CPNE4: variants seen among roughly 807,000 people sequenced by gnomAD.
The protein encoded by CPNE4 is copine-4.
In CPNE4, 25 loss-of-function variants were observed where a neutral mutation model predicts 67.9. That is an observed-to-expected ratio of 0.37 (90% CI 0.27 to 0.51). The LOEUF is 0.51. Ranked by LOEUF, CPNE4 falls within the 20% of genes least tolerant of loss-of-function variation. The pLI, the probability that CPNE4 is intolerant of heterozygous loss-of-function variation, is 0.93. For synonymous variants in CPNE4, 242 were observed against 244.9 expected, an observed-to-expected ratio of 0.99 and a Z score of 0.11; for missense variants, 464 against 690.8, an observed-to-expected ratio of 0.67 and a Z score of 3.68.
At chr3:131,826,015 A>G (rs946076624) in intron 2 of CPNE4, among the ~76,000 whole-genome samples, 1 of 152,202 alleles carries the variant, frequency 6.6e-6, no homozygotes, top group African/African-American at 2.4e-5. Context: ...AAGTAAATGA[A>G]GAAATTGATG....
At chr3:131,691,809 TAAG>T (rs1267213926) in intron 5 of CPNE4, among the ~76,000 whole-genome samples, 1 of 152,224 alleles carries the variant, frequency 6.6e-6, no homozygotes, top group Non-Finnish European at 1.5e-5. Flanking sequence ...TGATTACTAT[TAAG>T]AAGGCATCTG....
At chr3:131,848,909 G>GTT in intron 2 of CPNE4, among the ~76,000 whole-genome samples, 1 of 112,870 alleles carries the variant, frequency 8.9e-6, no homozygotes, top group Middle Eastern at 0.011. Context: ...TGAAGAAGGC[G>GTT]TTTTTTTTTC....
chr3:131,624,984 AG>A (rs1260958211), intron 7 of CPNE4, among the ~76,000 whole-genome samples: 1 of 152,172 alleles, frequency 6.6e-6, no homozygotes, highest in Non-Finnish European at 1.5e-5. Context: ...ATGCAAACAG[AG>A]CTCTAGTCCA....
intron 7 of CPNE4, among the ~76,000 whole-genome samples, chr3:131,633,164 A>G (rs774020791): frequency 6.6e-6 from 1 of 152,152 alleles, no homozygotes; most frequent in African/African-American, 2.4e-5. Flanking sequence ...TTTACTTTCA[A>G]AATATATCCA....
intron 7 of CPNE4, among the ~76,000 whole-genome samples, chr3:131,622,965 G>A (rs889004947): frequency 3.9e-5 from 6 of 152,100 alleles, no homozygotes; most frequent in Non-Finnish European, 5.9e-5. Context: ...CTTGGTAGCC[G>A]CATCAATAGG....
chr3:132,018,638 C>A (rs1331953821), intron 1 of CPNE4, among the ~76,000 whole-genome samples: 2 of 152,190 alleles, frequency 1.3e-5, no homozygotes, highest in African/African-American at 4.8e-5. Context: ...TGTAACACTT[C>A]ATTAAGCACA....
chr3:131,729,329 T>C (rs2082074447), intron 2 of CPNE4, among the ~76,000 whole-genome samples: 1 of 152,208 alleles, frequency 6.6e-6, no homozygotes. Context: ...GAATAAAGAA[T>C]GGCTTTATGT....
intron 2 of CPNE4, among the ~76,000 whole-genome samples, chr3:131,882,372 G>A (rs1469591517): frequency 6.6e-6 from 1 of 152,104 alleles, no homozygotes; most frequent in African/African-American, 2.4e-5. Flanking sequence ...AGTGTTCATT[G>A]TATGACTGAG....
chr3:131,547,293 A>G (rs575152293), intron 14 of CPNE4, among the ~76,000 whole-genome samples: 2 of 151,970 alleles, frequency 1.3e-5, no homozygotes, highest in African/African-American at 4.8e-5. Context: ...CACCTCTACA[A>G]AAAATATAAA....
At chr3:131,622,862 G>A (rs948908054) in intron 7 of CPNE4, among the ~76,000 whole-genome samples, 8 of 152,174 alleles carry the variant, frequency 5.3e-5, no homozygotes, top group South Asian at 2.1e-4. Context: ...GCCGCTGTCC[G>A]TGATTCTGAA....
At chr3:131,856,661 A>C (rs1246009269) in intron 2 of CPNE4, among the ~76,000 whole-genome samples, 1 of 151,992 alleles carries the variant, frequency 6.6e-6, no homozygotes, top group Non-Finnish European at 1.5e-5. Context: ...GGAACCTTAG[A>C]AACATTGTCC....
intron 2 of CPNE4, among the ~76,000 whole-genome samples, chr3:131,866,731 A>C (rs2086968111): frequency 6.6e-6 from 1 of 152,242 alleles, no homozygotes; most frequent in Non-Finnish European, 1.5e-5. Flanking sequence ...TCAAAAGAAA[A>C]ATAAGTGACA....
intron 2 of CPNE4, among the ~76,000 whole-genome samples, chr3:131,838,816 C>T (rs1262063014): frequency 1.3e-5 from 2 of 151,286 alleles, no homozygotes; most frequent in African/African-American, 4.9e-5. Flanking sequence ...TATTCGTATA[C>T]ATGAATATGT....
chr3:131,575,253 T>G, intron 9 of CPNE4, 123 bp from the exon 10 acceptor site: 1 of 763,108 alleles, frequency 1.3e-6, no homozygotes, highest in South Asian at 1.6e-5. Flanking sequence ...ACAGACATCA[T>G]TGAAAAAAGA....
At chr3:131,759,199 G>A (rs1394109226) in intron 2 of CPNE4, among the ~76,000 whole-genome samples, 1 of 152,134 alleles carries the variant, frequency 6.6e-6, no homozygotes, top group East Asian at 1.9e-4. Flanking sequence ...GATGGATGCT[G>A]AAAAGCCACT....
chr3:131,627,192 T>TAAA (rs1361423643), intron 7 of CPNE4, among the ~76,000 whole-genome samples: 1 of 62,374 alleles, frequency 1.6e-5, no homozygotes, highest in African/African-American at 1.5e-4. Flanking sequence ...AGACTCCATC[T>TAAA]CAAAAAAAAA....
intron 7 of CPNE4, among the ~76,000 whole-genome samples, chr3:131,621,312 A>G (rs1038127003): frequency 1.3e-5 from 2 of 152,090 alleles, no homozygotes; most frequent in Non-Finnish European, 2.9e-5. Flanking sequence ...TGCCACAGTC[A>G]TGGTTCACTG....
chr3:131,987,903 A>T (rs1363650305), intron 1 of CPNE4, among the ~76,000 whole-genome samples: 4 of 152,192 alleles, frequency 2.6e-5, no homozygotes, highest in Non-Finnish European at 5.9e-5. Context: ...ATGTTTACCC[A>T]GTGCTTATAA....
At chr3:131,823,416 G>A (rs2085036598) in intron 2 of CPNE4, among the ~76,000 whole-genome samples, 1 of 152,206 alleles carries the variant, frequency 6.6e-6, no homozygotes, top group African/African-American at 2.4e-5. Context: ...CAAGGCACAA[G>A]CTTGGCAATG....
Sources: allele counts gnomAD v4.1 joint callset (sites outside exome capture counted in the v4.1 genomes callset), GRCh38; gene constraint gnomAD v4.1.1; transcripts MANE v1.5; gene names NCBI Gene and HGNC (gene_info 2026-07-23, HGNC 2026-07-21).